LIPI: variants seen among roughly 807,000 people sequenced by gnomAD.
LIPI encodes the protein lipase member I.
LIPI carries 59 observed loss-of-function variants against 50.6 expected under a neutral mutation model. The ratio of observed to expected loss-of-function variants is 1.16; its 90% CI spans 0.94 to 1.45. The LOEUF (loss-of-function observed/expected upper bound fraction) is 1.45. Among genes scored for constraint, LIPI ranks in the 40% most tolerant of loss-of-function variants. The pLI is 0.00. For missense variants in LIPI, 586 were observed against 536.3 expected (o/e 1.09, Z -0.92); for synonymous variants, 203 against 178.2 (o/e 1.14, Z -1.11).
chr21:14,109,664 C>G (rs2016325338), intron 9 of LIPI, among the ~76,000 whole-genome samples: 1 of 152,018 alleles, frequency 6.6e-6, no homozygotes, highest in Non-Finnish European at 1.5e-5. Flanking sequence ...AGACTAAAAG[C>G]TCATGACCTT....
chr21:14,166,495 G>A, intron 4 of LIPI, 44 bp from the exon 5 acceptor site: 1 of 994,348 alleles, frequency 1.0e-6, no homozygotes, highest in Non-Finnish European at 1.6e-6. Flanking sequence ...TATATAATCA[G>A]GTGAGTATCT....
At chr21:14,115,522 G>A (rs1470357608) in intron 9 of LIPI, among the ~76,000 whole-genome samples, 1 of 152,066 alleles carries the variant, frequency 6.6e-6, no homozygotes, top group Non-Finnish European at 1.5e-5. Flanking sequence ...ATCTCTGATT[G>A]CCCCACAACA....
chr21:14,191,087 T>C (rs1381391768), intron 1 of LIPI, among the ~76,000 whole-genome samples: 1 of 151,452 alleles, frequency 6.6e-6, no homozygotes. Context: ...GAGTAAAAAA[T>C]ACAAAAATTA....
chr21:14,149,888 G>A lies in LIPI; in HGVS notation c.1118+2685C>T, dbSNP rs1032863071. Among the ~76,000 whole-genome samples, 10 of 152,200 alleles carry A rather than the reference G, an allele frequency of 6.6e-5. 1 individual carries two copies. The East Asian group carries it at 1.2e-3, about 18-fold the overall frequency. On this transcript the variant is annotated intron_variant, in intron 8 of 9. Transcript: ENST00000681601. ...TCTTCCAGCTGCTTTCATGGCTAGC[G>A]TTGGGTGTCTGCAGGTTTTCCAGGT...
chr21:14,191,817 G>A (rs2019686665), intron 1 of LIPI, among the ~76,000 whole-genome samples: 1 of 152,182 alleles, frequency 6.6e-6, no homozygotes, highest in African/African-American at 2.4e-5. Context: ...GCTTGTGTAT[G>A]TGGGCTTGGA....
chr21:14,110,943 T>G (rs1301401623), intron 9 of LIPI, among the ~76,000 whole-genome samples: 1 of 147,980 alleles, frequency 6.8e-6, no homozygotes, highest in Non-Finnish European at 1.5e-5. Context: ...CCATATACTA[T>G]ATATATATAA....
At chr21:14,204,066 A>T in intron 1 of LIPI, among the ~76,000 whole-genome samples, 1 of 151,638 alleles carries the variant, frequency 6.6e-6, no homozygotes, top group East Asian at 2.0e-4. Context: ...GGGGAGAACA[A>T]CACACACTGG....
At chr21:14,204,632 A>T (rs1279287575) in intron 1 of LIPI, among the ~76,000 whole-genome samples, 1 of 152,060 alleles carries the variant, frequency 6.6e-6, no homozygotes, top group Non-Finnish European at 1.5e-5. Flanking sequence ...ACAGAACCAA[A>T]AATAGTTTAA....
intron 1 of LIPI, among the ~76,000 whole-genome samples, chr21:14,198,249 G>T (rs2019929621): frequency 6.6e-6 from 1 of 152,196 alleles, no homozygotes; most frequent in Admixed American, 6.5e-5. Flanking sequence ...ATGAGGACAG[G>T]ATAAAATCCA....
chr21:14,108,899 C>A lies in LIPI; in HGVS notation c.*94G>T. On this transcript the variant is annotated 3_prime_UTR_variant, in exon 10 of 10. Coordinates refer to ENST00000681601, the MANE Select transcript of LIPI (RefSeq NM_001302998.2). ...CCAAGAAATAGAAATACTTGAATCT[C>A]AAATTGAACAGTGCATTATAAAAGA... 1 of 1,469,494 alleles carries A rather than the reference C, an allele frequency of 6.8e-7. No individual in the cohort carries two copies. The highest frequency in any genetic ancestry group is 1.9e-5 in the Admixed American group (1 of 53,608). The allele number at this position is 1,469,494 out of a possible 1,614,324, so 91.0% of individuals were successfully genotyped here. A position where few individuals can be genotyped will look rare whatever the true frequency, so the allele number is the denominator to read the frequency against.
At chr21:14,161,843 AT>A (rs1453858436) in intron 7 of LIPI, among the ~76,000 whole-genome samples, 1 of 119,668 alleles carries the variant, frequency 8.4e-6, no homozygotes. Context: ...TATATAATAT[AT>A]ACATTATTAT....
intron 7 of LIPI, among the ~76,000 whole-genome samples, chr21:14,160,654 T>A (rs2123130408): frequency 6.6e-6 from 1 of 151,502 alleles, no homozygotes; most frequent in South Asian, 2.1e-4. Flanking sequence ...TTACTCCTCA[T>A]CAAAACTAAT....
At chr21:14,194,922 C>T (rs2019793609) in intron 1 of LIPI, among the ~76,000 whole-genome samples, 1 of 152,110 alleles carries the variant, frequency 6.6e-6, no homozygotes, top group Non-Finnish European at 1.5e-5. Context: ...CTGTAAACAA[C>T]CAGAACAGTG....
At chr21:14,114,407 C>T (rs889804714) in intron 9 of LIPI, among the ~76,000 whole-genome samples, 9 of 151,950 alleles carry the variant, frequency 5.9e-5, no homozygotes, top group Non-Finnish European at 1.2e-4. Flanking sequence ...TAGAAAAGAC[C>T]CACAAAGTGC....
Position 14,169,898 on chromosome 21 carries a change from C to T in LIPI, c.644-3447G>A, listed in dbSNP as rs867758812. On this transcript the variant is annotated intron_variant, in intron 4 of 9. Coordinates refer to ENST00000681601, the MANE Select transcript of LIPI (RefSeq NM_001302998.2). Reference sequence around the variant, plus strand: ...CTGAAGGAAATAGAGACACAAAAAACCCTTCAAAAAATTAATGAATCCAGG... The same window carrying T: ...CTGAAGGAAATAGAGACACAAAAAATCCTTCAAAAAATTAATGAATCCAGG... Among the ~76,000 whole-genome samples, 1,247 of 152,058 alleles carry T rather than the reference C, an allele frequency of 8.2e-3. 17 individuals carry two copies. The highest frequency in any genetic ancestry group is 0.029 in the African/African-American group (1,191 of 41,482).
chr21:14,177,261 C>T (rs2019129206), intron 4 of LIPI, among the ~76,000 whole-genome samples: 2 of 151,776 alleles, frequency 1.3e-5, no homozygotes, highest in Middle Eastern at 3.5e-3. Context: ...ATAGATTTAC[C>T]ACCATTTGGA....
At chr21:14,162,427 G>A (rs1289440069) in intron 7 of LIPI, among the ~76,000 whole-genome samples, 1 of 151,646 alleles carries the variant, frequency 6.6e-6, no homozygotes, top group Non-Finnish European at 1.5e-5. Context: ...TATTTTGTAT[G>A]GAGCCAAATA....
intron 9 of LIPI, among the ~76,000 whole-genome samples, chr21:14,118,844 A>T (rs1018074050): frequency 4.6e-5 from 7 of 152,160 alleles, no homozygotes; most frequent in African/African-American, 1.7e-4. Context: ...AGGGATTGCA[A>T]AACACTTAAA....
intron 9 of LIPI, among the ~76,000 whole-genome samples, chr21:14,116,897 G>A (rs867370919): frequency 2.0e-5 from 3 of 152,144 alleles, no homozygotes; most frequent in African/African-American, 4.8e-5. Context: ...TACAGGCCCC[G>A]CCAGAGGAGC....
Sources: gnomAD v4.1 joint callset for allele counts (sites outside exome capture counted in the v4.1 genomes callset) on GRCh38, gnomAD v4.1.1 for gene constraint, MANE v1.5 for transcripts, NCBI Gene and HGNC (gene_info 2026-07-23, HGNC 2026-07-21) for gene names.